Variants in ABCA4 observed in about 807,000 individuals in gnomAD.
The protein encoded by ABCA4 is ATP binding cassette subfamily A member 4, also known as retinal-specific phospholipid-transporting ATPase ABCA4.
In ABCA4, 196 loss-of-function variants were observed where a neutral mutation model predicts 263.7. The observed-to-expected ratio is 0.74, with a 90% confidence interval of 0.66 to 0.84. ABCA4 has a LOEUF of 0.84. Ranked by LOEUF, ABCA4 falls within the 40% of genes least tolerant of loss-of-function variation. The pLI is 0.00. For synonymous variants in ABCA4, 1,133 were observed against 1,094.2 expected, an observed-to-expected ratio of 1.04 and a Z score of -0.70; for missense variants, 2,792 against 2,855.1, an observed-to-expected ratio of 0.98 and a Z score of 0.50.
At chr1:94,067,192 C>T (rs979706558) in intron 11 of ABCA4, among the ~76,000 whole-genome samples, 57 of 151,832 alleles carry the variant, frequency 3.8e-4, no homozygotes, top group African/African-American at 1.2e-3. Flanking sequence ...TGAATTTTTG[C>T]TACAGTGCTA....
In ABCA4 at chr1:94,095,968, G is replaced by A. The variant is rs199544332; in HGVS notation, c.768+2826C>T. Among the ~76,000 whole-genome samples the A allele has an allele frequency of 2.6e-5, 4 of 152,086 alleles. No individual in the cohort carries two copies. In the East Asian group the frequency reaches 5.8e-4, roughly 22 times the overall value. ...AGCTTTCTCCTCTGGGCCATCTCCCGGTCCACTGCAGGCTCTGTCGCTCAC... is the reference window on the plus strand; with the variant it reads ...AGCTTTCTCCTCTGGGCCATCTCCCAGTCCACTGCAGGCTCTGTCGCTCAC... On this transcript the variant is annotated intron_variant, in intron 6 of 49. Transcript: ENST00000370225.
intron 41 of ABCA4, 23 bp downstream of exon 41, chr1:94,008,728 C>A: frequency 1.9e-6 from 3 of 1,613,876 alleles, no homozygotes; most frequent in Non-Finnish European, 2.5e-6. Context: ...CCAGCACCTC[C>A]AAACTCATAC....
intron 26 of ABCA4, among the ~76,000 whole-genome samples, chr1:94,034,849 T>C (rs1300505156): frequency 6.6e-6 from 1 of 152,212 alleles, no homozygotes; most frequent in Non-Finnish European, 1.5e-5. Flanking sequence ...ACATTTAGTT[T>C]AGAGTTGCTA....
intron 11 of ABCA4, among the ~76,000 whole-genome samples, chr1:94,075,827 T>A (rs1661525034): frequency 2.6e-5 from 4 of 152,178 alleles, no homozygotes; most frequent in Admixed American, 1.3e-4. Flanking sequence ...ATGACTGACA[T>A]GTGCTCCCTG....
In ABCA4 at chr1:94,077,839, C is replaced by T. The variant is rs1661578472; in HGVS notation, c.1405G>A (p.Gly469Ser). ...GCTTCAGCAGTAATACCTTCTTCAC[C>T]AAGCTGCCTATTCAAAAAGTCTTTT... Reference protein sequence around the residue: ...TVKDFLNRQLGEEGITAEAIL... With the variant: ...TVKDFLNRQLSEEGITAEAIL... Residue 469 changes from glycine (G) to serine (S), a missense_variant, in exon 11 of 50, where the codon GGT becomes AGT. Transcript: ENST00000370225. 1 of 1,614,246 alleles carries T rather than the reference C, an allele frequency of 6.2e-7. No homozygotes were observed. The highest frequency in any genetic ancestry group is 2.2e-5 in the East Asian group (1 of 44,888).
rs145766145 is a variant in ABCA4 at position 94,030,983 on chromosome 1, C to T, written c.4253+13G>A. ...AACCCACAGAGGAGAATGGTGACCCCGAGTCCGCGCACCTGAAGAAGGTGT... is the reference window on the plus strand; with the variant it reads ...AACCCACAGAGGAGAATGGTGACCCTGAGTCCGCGCACCTGAAGAAGGTGT... On this transcript the variant is annotated intron_variant, in intron 28 of 49. Coordinates refer to ENST00000370225, the MANE Select transcript of ABCA4 (RefSeq NM_000350.3). 1,645 of 1,613,780 alleles carry T rather than the reference C, an allele frequency of 1.0e-3. 16 individuals carry two copies. In the East Asian group the frequency reaches 0.021, roughly 20 times the overall value.
intron 20 of ABCA4, among the ~76,000 whole-genome samples, chr1:94,044,054 C>T (rs1390541614): frequency 1.6e-4 from 10 of 61,560 alleles, no homozygotes; most frequent in Non-Finnish European, 2.4e-4. Flanking sequence ...TCTCCCCTCC[C>T]TCCCTCCCTC....
chr1:94,108,497 C>A lies in ABCA4; in HGVS notation c.442+80G>T, dbSNP rs11165073. On this transcript the variant is annotated intron_variant, in intron 4 of 49. Transcript: ENST00000370225. ...CCTCCGCTAGTATATTTTTCACCAA[C>A]TCTCCCTGTTCTTTCCTATATCTTC... The A allele has an allele frequency of 0.5, 796,109 of 1,598,026 alleles. 200,471 individuals are homozygous for A. The highest frequency in any genetic ancestry group is 0.66 in the East Asian group (29,424 of 44,698).
At chr1:94,001,751 G>A in intron 45 of ABCA4, 107 bp downstream of exon 45, 1 of 1,534,566 alleles carries the variant, frequency 6.5e-7, no homozygotes, top group Non-Finnish European at 8.9e-7. Context: ...CCAGACTAAA[G>A]CCAAACTGCT....
At chr1:94,062,874 G>T in intron 12 of ABCA4, 121 bp from the exon 13 acceptor site, 1 of 1,178,578 alleles carries the variant, frequency 8.5e-7, no homozygotes, top group East Asian at 2.5e-5. Context: ...GCTTCAAAAG[G>T]ATCCAATTCT....
At chr1:94,026,742 A>G (rs1392351293) in intron 30 of ABCA4, among the ~76,000 whole-genome samples, 1 of 152,242 alleles carries the variant, frequency 6.6e-6, no homozygotes, top group Non-Finnish European at 1.5e-5. Context: ...GACCCACCAC[A>G]TTCAAAGAAT....
At chr1:94,038,404 A>C (rs1660401314) in intron 24 of ABCA4, among the ~76,000 whole-genome samples, 1 of 151,890 alleles carries the variant, frequency 6.6e-6, no homozygotes. Flanking sequence ...TCAAAACATG[A>C]CTCTTCAGAA....
rs115845770 is a variant in ABCA4 at position 94,117,273 on chromosome 1, G to A, written c.66+3707C>T. Among the ~76,000 whole-genome samples the A allele has an allele frequency of 3.4e-3, 510 of 152,180 alleles. 2 individuals carry two copies. Among genetic ancestry groups the A allele is most frequent in the East Asian group, 0.019 (98 of 5,154 alleles). On this transcript the variant is annotated intron_variant, in intron 1 of 49. Transcript: ENST00000370225. ...AATGAGCCCCATGATTCTTCCTTCT[G>A]CACTGAGAACCAGGACAGAATTCTT...
chr1:94,120,930 TG>T (rs1662931500), intron 1 of ABCA4, 49 bp downstream of exon 1: 1 of 593,732 alleles, frequency 1.7e-6, no homozygotes, highest in Non-Finnish European at 2.6e-6. Flanking sequence ...ACTTCCAACC[TG>T]TTTATTTGCT....
chr1:94,062,855 C>T, intron 12 of ABCA4, 102 bp from the exon 13 acceptor site: 1 of 1,300,890 alleles, frequency 7.7e-7, no homozygotes, highest in Non-Finnish European at 1.1e-6. Flanking sequence ...TAAAATCTTT[C>T]TCCTAAACGC....
In ABCA4 at chr1:94,008,250, T is replaced by C; in HGVS notation, c.5883A>G (p.Gly1961=). Residue 1961 remains glycine, a synonymous_variant, in exon 42 of 50, where the codon GGA becomes GGG. Transcript: ENST00000370225. ...SSPAVDRLCV[G]VRPGECFGLL... Reference sequence around the variant, plus strand: ...GAGTACCCACCTCTCCAGGGCGAACTCCGACACACAGCCTGTCCACTGCTG... The same window carrying C: ...GAGTACCCACCTCTCCAGGGCGAACCCCGACACACAGCCTGTCCACTGCTG... The C allele has an allele frequency of 6.2e-7, 1 of 1,614,078 alleles. No homozygotes were observed.
At chr1:94,063,421 G>C in intron 11 of ABCA4, 104 bp from the exon 12 acceptor site, 2 of 1,142,762 alleles carry the variant, frequency 1.8e-6, no homozygotes, top group Non-Finnish European at 2.6e-6. Flanking sequence ...CCCAGGAAAT[G>C]GTCAAATGCA....
intron 18 of ABCA4, 24 bp downstream of exon 18, chr1:94,048,844 G>T: frequency 6.2e-7 from 1 of 1,610,980 alleles, no homozygotes; most frequent in Non-Finnish European, 8.5e-7. Flanking sequence ...CGCCTCTGCT[G>T]TGTATTCTTT....
intron 4 of ABCA4, among the ~76,000 whole-genome samples, chr1:94,106,150 G>A (rs939527475): frequency 6.6e-6 from 1 of 152,186 alleles, no homozygotes; most frequent in Non-Finnish European, 1.5e-5. Context: ...CTAGGGGGCC[G>A]TGGCCAACCT....
Sources: gnomAD v4.1 joint callset for allele counts (sites outside exome capture counted in the v4.1 genomes callset) on GRCh38, gnomAD v4.1.1 for gene constraint, MANE v1.5 for transcripts, NCBI Gene and HGNC (gene_info 2026-07-23, HGNC 2026-07-21) for gene names.